Variants in SCG3 observed in about 807,000 individuals in gnomAD.
SCG3 encodes the protein secretogranin III, also known as secretogranin-3.
SCG3 carries 38 observed loss-of-function variants against 56.2 expected under a neutral mutation model. That is an observed-to-expected ratio of 0.68 (90% CI 0.52 to 0.89). The LOEUF (loss-of-function observed/expected upper bound fraction) is 0.89. SCG3 is among the 40% of genes least tolerant of loss of function. The probability of loss-of-function intolerance (pLI) is 0.00; values close to 1 mark genes in which losing one functional copy is unlikely to be tolerated. For missense variants in SCG3, 524 were observed against 540.7 expected (o/e 0.97, Z 0.31); for synonymous variants, 176 against 184.2 (o/e 0.96, Z 0.36).
In SCG3 at chr15:51,705,343, C is replaced by A. The variant is rs2055368480; in HGVS notation, c.1207+4099C>A. ...TCTGTTTGGTTTATTTTTAAGAAAA[C>A]CATGTAAAAAATGAATATAAAAGAG... On this transcript the variant is annotated intron_variant, in intron 10 of 11. Transcript: ENST00000220478. 1.3e-5 allele frequency among the ~76,000 whole-genome samples: 2 copies of A among 152,008 alleles called. 1 individual carries two copies. Among genetic ancestry groups the A allele is most frequent in the South Asian group, 4.2e-4 (2 of 4,814 alleles).
chr15:51,690,685 C>T (rs755419419), intron 6 of SCG3, among the ~76,000 whole-genome samples: 17 of 151,770 alleles, frequency 1.1e-4, no homozygotes, highest in Non-Finnish European at 2.4e-4. Context: ...TTTGCTCAAG[C>T]TTACCAGTCT....
intron 8 of SCG3, among the ~76,000 whole-genome samples, chr15:51,697,146 G>C (rs917393361): frequency 3.3e-5 from 5 of 151,774 alleles, no homozygotes; most frequent in African/African-American, 1.2e-4. Context: ...GTGTGTGTGT[G>C]TGTGTGTGTG....
intron 5 of SCG3, 60 bp downstream of exon 5, chr15:51,688,462 G>A: frequency 6.5e-7 from 1 of 1,528,108 alleles, no homozygotes; most frequent in Non-Finnish European, 8.9e-7. Context: ...ATGCCAAGAA[G>A]CCAAGTCACT....
chr15:51,690,922 A>G (rs2055262862), intron 6 of SCG3, among the ~76,000 whole-genome samples: 1 of 152,194 alleles, frequency 6.6e-6, no homozygotes. Context: ...ATAATCCCTG[A>G]CTCATGAAGC....
intron 10 of SCG3, chr15:51,707,941 A>G (rs1056453443): frequency 2.0e-5 from 3 of 152,240 alleles, no homozygotes; most frequent in Non-Finnish European, 2.9e-5. Context: ...ATGCAATAGG[A>G]CAACCCTATT....
chr15:51,709,690 TA>T (rs1567222289), intron 10 of SCG3, among the ~76,000 whole-genome samples: 2 of 19,046 alleles, frequency 1.1e-4, no homozygotes, highest in Non-Finnish European at 2.3e-4. Flanking sequence ...TATATATATA[TA>T]TATATATATA....
chr15:51,705,102 G>A (rs1023084939), intron 10 of SCG3, among the ~76,000 whole-genome samples: 5 of 151,900 alleles, frequency 3.3e-5, no homozygotes, highest in Non-Finnish European at 7.4e-5. Flanking sequence ...AGAGAACCAC[G>A]AATTGGGCAG....
intron 4 of SCG3, 112 bp from the exon 5 acceptor site, chr15:51,688,148 C>A: frequency 9.7e-7 from 1 of 1,029,576 alleles, no homozygotes; most frequent in Non-Finnish European, 1.3e-6. Flanking sequence ...ACCATAAATA[C>A]ATTTCAAACA....
At position 51,695,762 on chromosome 15, in the gene SCG3, G is replaced by GAA. The variant is rs370571693; in HGVS notation, c.869-100_869-99dup. 5.0e-3 allele frequency: 2,618 copies of GAA among 526,852 alleles called. 6 individuals carry two copies. The highest frequency in any genetic ancestry group is 0.02 in the African/African-American group (855 of 42,898). 32.6% of individuals were successfully genotyped at this position (526,852 alleles called of 1,614,324 possible). ...GGCCACACAGTGAGACCTCGTCTTT[G>GAA]AAAAAAAAAAAAAACCCAAACAAAC... On this transcript the variant is annotated intron_variant, in intron 7 of 11. Transcript: ENST00000220478.
intron 7 of SCG3, 74 bp from the exon 8 acceptor site, chr15:51,695,801 C>A: frequency 2.5e-6 from 2 of 813,274 alleles, no homozygotes; most frequent in Non-Finnish European, 4.0e-6. Flanking sequence ...CAAAAAGATG[C>A]TGTACTTTAT....
chr15:51,715,654 G>A (rs1220507621), intron 11 of SCG3, among the ~76,000 whole-genome samples: 3 of 152,142 alleles, frequency 2.0e-5, no homozygotes, highest in African/African-American at 7.2e-5. Context: ...GATGGCTACT[G>A]GCTTATGTCT....
chr15:51,695,822 T>C, intron 7 of SCG3, 53 bp from the exon 8 acceptor site: 4 of 971,410 alleles, frequency 4.1e-6, no homozygotes, highest in Non-Finnish European at 6.4e-6. Context: ...AAATTGACAT[T>C]GAAAGAGGAA....
intron 11 of SCG3, among the ~76,000 whole-genome samples, chr15:51,717,707 C>T (rs1022364455): frequency 3.9e-5 from 6 of 152,148 alleles, no homozygotes; most frequent in African/African-American, 1.2e-4. Context: ...AGCTGGGGTG[C>T]AACACCCTTC....
rs185821546 is a variant in SCG3 at position 51,700,928 on chromosome 15, A to G, written c.1070-179A>G. On this transcript the variant is annotated intron_variant, in intron 9 of 11. Transcript: ENST00000220478. ...ATATCTCTCCCCTTTCTGGGCCTCA[A>G]TTTCCTCTTCTGTGATATGGGGTTA... is the stretch of plus-strand genomic sequence containing the variant. Among the ~76,000 whole-genome samples, 2,189 of 152,254 alleles carry G rather than the reference A, an allele frequency of 0.014. 54 individuals carry two copies. Among genetic ancestry groups the G allele is most frequent in the Middle Eastern group, 0.061 (18 of 294 alleles).
At chr15:51,682,829 G>A (rs2055203389) in intron 2 of SCG3, among the ~76,000 whole-genome samples, 1 of 152,176 alleles carries the variant, frequency 6.6e-6, no homozygotes, top group East Asian at 1.9e-4. Flanking sequence ...CCACTCTGTT[G>A]TAAGATTGCC....
At chr15:51,690,846 A>G (rs1434928216) in intron 6 of SCG3, among the ~76,000 whole-genome samples, 1 of 152,222 alleles carries the variant, frequency 6.6e-6, no homozygotes, top group African/African-American at 2.4e-5. Flanking sequence ...ATATTATTTC[A>G]ACAAATATTT....
chr15:51,692,789 C>A (rs2055276001), intron 7 of SCG3, among the ~76,000 whole-genome samples: 4 of 152,122 alleles, frequency 2.6e-5, no homozygotes, highest in South Asian at 4.1e-4. Flanking sequence ...TGTTTTGGTA[C>A]ATTTATACAT....
intron 8 of SCG3, among the ~76,000 whole-genome samples, chr15:51,699,047 G>C (rs1488293322): frequency 2.0e-5 from 3 of 152,192 alleles, no homozygotes; most frequent in Non-Finnish European, 2.9e-5. Flanking sequence ...CCCAATCCTG[G>C]AAGTGTTCTA....
intron 7 of SCG3, among the ~76,000 whole-genome samples, chr15:51,694,701 T>C (rs926505384): frequency 4.6e-5 from 7 of 152,326 alleles, no homozygotes; most frequent in Admixed American, 1.3e-4. Context: ...ATCCATTTTG[T>C]TCCATCAAGA....
Sources: gnomAD v4.1 joint callset for allele counts (sites outside exome capture counted in the v4.1 genomes callset) on GRCh38, gnomAD v4.1.1 for gene constraint, MANE v1.5 for transcripts, NCBI Gene and HGNC (gene_info 2026-07-23, HGNC 2026-07-21) for gene names.